The following NRG3 variants were observed in gnomAD, a reference collection of about 807,000 sequenced individuals.
NRG3 encodes neuregulin 3, also known as pro-neuregulin-3, membrane-bound isoform.
In NRG3, 31 loss-of-function variants were observed where a neutral mutation model predicts 66.9. The ratio of observed to expected loss-of-function variants is 0.46; its 90% CI spans 0.35 to 0.63. The LOEUF (loss-of-function observed/expected upper bound fraction) is 0.63, where lower values mean the gene tolerates loss of function less well. Among genes scored for constraint, NRG3 ranks in the 20% least tolerant of loss-of-function variants. The probability of loss-of-function intolerance (pLI) is 0.00; values close to 1 mark genes in which losing one functional copy is unlikely to be tolerated. For synonymous variants in NRG3, 393 were observed against 359.4 expected (o/e 1.09, Z -1.06); for missense variants, 910 against 878.9 (o/e 1.04, Z -0.45).
intron 1 of NRG3, among the ~76,000 whole-genome samples, chr10:81,944,383 G>A (rs192286793): frequency 1.3e-5 from 2 of 152,314 alleles, no homozygotes; most frequent in Admixed American, 1.3e-4. Context: ...TGCATAATAT[G>A]CAGTGTCTCA....
chr10:82,802,574 T>G (rs1358859318), intron 3 of NRG3, among the ~76,000 whole-genome samples: 3 of 152,190 alleles, frequency 2.0e-5, no homozygotes, highest in Non-Finnish European at 4.4e-5. Flanking sequence ...TCAAATTGTG[T>G]CTACATAAAA....
intron 2 of NRG3, among the ~76,000 whole-genome samples, chr10:82,705,144 A>G (rs1335613377): frequency 6.6e-6 from 1 of 152,212 alleles, no homozygotes; most frequent in Non-Finnish European, 1.5e-5. Context: ...AAACTATAGA[A>G]AAGGGAAAGT....
chr10:82,692,316 T>C (rs1158859919), intron 2 of NRG3, among the ~76,000 whole-genome samples: 1 of 151,946 alleles, frequency 6.6e-6, no homozygotes, highest in African/African-American at 2.4e-5. Context: ...AGAGAATGTA[T>C]GCAATTTGTT....
At chr10:81,981,744 C>T (rs2060339534) in intron 1 of NRG3, among the ~76,000 whole-genome samples, 2 of 152,142 alleles carry the variant, frequency 1.3e-5, no homozygotes, top group South Asian at 4.1e-4. Flanking sequence ...TGATGGATAA[C>T]ATATGTTTAC....
In NRG3 at chr10:81,993,518, A is replaced by AT. The variant is rs891856580; in HGVS notation, c.823+117364dup. ...CATGCCACCACAACCAGCTAATTTA[A>AT]TTTTTTTTTGTAGAGATGGGGTCTT... On this transcript the variant is annotated intron_variant, in intron 1 of 8. Coordinates refer to ENST00000372141, the MANE Select transcript of NRG3 (RefSeq NM_001010848.4). Among the ~76,000 whole-genome samples the AT allele has an allele frequency of 7.9e-5, 12 of 151,028 alleles. No individual in the cohort carries two copies. In the East Asian group the frequency reaches 1.2e-3, roughly 15 times the overall value.
intron 2 of NRG3, among the ~76,000 whole-genome samples, chr10:82,476,037 C>T (rs1841748000): frequency 6.6e-6 from 1 of 152,080 alleles, no homozygotes. Context: ...CTTGAATAGA[C>T]ATTTCTCCAA....
At chr10:82,563,613 T>A (rs1022454643) in intron 2 of NRG3, among the ~76,000 whole-genome samples, 4 of 152,010 alleles carry the variant, frequency 2.6e-5, no homozygotes, top group African/African-American at 9.7e-5. Context: ...CATACTTATA[T>A]ATGTGATATG....
rs556583571 is a variant in NRG3, at chr10:82,551,330, T to TA, written c.954-187239dup. On this transcript the variant is annotated intron_variant, in intron 2 of 8. Coordinates refer to ENST00000372141, the MANE Select transcript of NRG3 (RefSeq NM_001010848.4). ...ACATTTGTTACATACACTTTGTATT[T>TA]AAAAAAAATCTCCTGACATTTATGG... 2.6e-5 allele frequency among the ~76,000 whole-genome samples: 4 copies of TA among 152,120 alleles called. No homozygotes were observed. The South Asian group carries it at 6.2e-4, about 24-fold the overall frequency.
chr10:82,962,367 TTC>T (rs2132474169), intron 6 of NRG3, among the ~76,000 whole-genome samples: 1 of 152,304 alleles, frequency 6.6e-6, no homozygotes, highest in Admixed American at 6.5e-5. Context: ...TCATCCGTTC[TTC>T]TCTCTTAAAA....
At chr10:82,919,098 T>C (rs1564630585) in intron 4 of NRG3, among the ~76,000 whole-genome samples, 1 of 122,096 alleles carries the variant, frequency 8.2e-6, no homozygotes, top group Non-Finnish European at 1.7e-5. Flanking sequence ...TGTGTGTGTG[T>C]GTATGTGTGT....
intron 1 of NRG3, among the ~76,000 whole-genome samples, chr10:81,948,137 A>C (rs1380455364): frequency 6.6e-6 from 1 of 152,100 alleles, no homozygotes; most frequent in Non-Finnish European, 1.5e-5. Flanking sequence ...TTTTTCTTCT[A>C]TTGTAAAATC....
At chr10:81,970,753 C>T (rs1564700602) in intron 1 of NRG3, among the ~76,000 whole-genome samples, 2 of 152,066 alleles carry the variant, frequency 1.3e-5, no homozygotes, top group African/African-American at 2.4e-5. Flanking sequence ...CATCTGAGTA[C>T]AATCCTTCTA....
At chr10:82,498,663 C>T (rs1012415288) in intron 2 of NRG3, among the ~76,000 whole-genome samples, 1 of 152,088 alleles carries the variant, frequency 6.6e-6, no homozygotes, top group Non-Finnish European at 1.5e-5. Context: ...GGAGAAAATA[C>T]ACTCTGATGG....
intron 1 of NRG3, among the ~76,000 whole-genome samples, chr10:81,946,014 A>G (rs932680980): frequency 6.6e-6 from 1 of 152,118 alleles, no homozygotes; most frequent in Admixed American, 6.6e-5. Context: ...AACCTTGCTG[A>G]TACCTTGATC....
At chr10:82,394,595 G>A (rs1304911023) in intron 2 of NRG3, among the ~76,000 whole-genome samples, 1 of 152,062 alleles carries the variant, frequency 6.6e-6, no homozygotes, top group African/African-American at 2.4e-5. Flanking sequence ...AATGGCATTT[G>A]GCTAAAACAC....
At chr10:82,605,219 T>G (rs189608100) in intron 2 of NRG3, among the ~76,000 whole-genome samples, 1 of 152,200 alleles carries the variant, frequency 6.6e-6, no homozygotes. Context: ...AGTGTACCTC[T>G]AGTAAAAGTT....
intron 1 of NRG3, among the ~76,000 whole-genome samples, chr10:82,216,002 CTT>C (rs1293807092): frequency 2.6e-5 from 2 of 76,338 alleles, no homozygotes; most frequent in African/African-American, 1.0e-4. Flanking sequence ...GAATTTCTCT[CTT>C]TTGCCCAGGC....
At chr10:82,314,490 C>T (rs1453724153) in intron 1 of NRG3, among the ~76,000 whole-genome samples, 2 of 151,982 alleles carry the variant, frequency 1.3e-5, no homozygotes, top group Non-Finnish European at 2.9e-5. Context: ...CCATTTGTTT[C>T]CAGCATTCTG....
At chr10:82,898,903 A>G (rs936681926) in intron 4 of NRG3, among the ~76,000 whole-genome samples, 4 of 151,340 alleles carry the variant, frequency 2.6e-5, no homozygotes, top group African/African-American at 9.7e-5. Context: ...AGTAGAGACA[A>G]AGTTTCACCA....
Sources: allele counts gnomAD v4.1 joint callset (sites outside exome capture counted in the v4.1 genomes callset), GRCh38; gene constraint gnomAD v4.1.1; transcripts MANE v1.5; gene names NCBI Gene and HGNC (gene_info 2026-07-23, HGNC 2026-07-21).